Variants in TTC38 observed in about 807,000 individuals in gnomAD.
The protein encoded by TTC38 is tetratricopeptide repeat domain 38.
Under a neutral mutation model 64.2 loss-of-function variants are expected in TTC38, and 64 were observed. That is an observed-to-expected ratio of 1.00 (90% confidence interval 0.81 to 1.23). The LOEUF (loss-of-function observed/expected upper bound fraction) is 1.23, where lower values mean the gene tolerates loss of function less well. Ranked by LOEUF, TTC38 falls within the 50% of genes most tolerant of loss-of-function variation. The pLI is 0.00. For synonymous variants in TTC38, 254 were observed against 249.3 expected, an observed-to-expected ratio of 1.02 and a Z score of -0.18; for missense variants, 573 against 615.5, an observed-to-expected ratio of 0.93 and a Z score of 0.73.
chr22:46,268,123 G>T, intron 1 of TTC38, 51 bp downstream of exon 1: 8 of 1,517,356 alleles, frequency 5.3e-6, no homozygotes, highest in Non-Finnish European at 7.0e-6. Context: ...CGGGTCCTGG[G>T]GGTGGCCCGG....
Position 46,285,280 on chromosome 22 carries a change from G to A in TTC38, c.834+1G>A, listed in dbSNP as rs779880543. On this transcript the variant is annotated splice_donor_variant, in intron 9 of 13. Coordinates refer to ENST00000381031, the MANE Select transcript of TTC38 (RefSeq NM_017931.4). LOFTEE classifies it high-confidence loss of function. Reference sequence around the variant, plus strand: ...CGCGCTGACCATCTACGATACCCACGTAAGTTGCATTCACACCGTGTTTGG... The same window carrying A: ...CGCGCTGACCATCTACGATACCCACATAAGTTGCATTCACACCGTGTTTGG... 5.0e-6 allele frequency: 8 copies of A among 1,614,124 alleles called. No individual in the cohort carries two copies. The highest frequency in any genetic ancestry group is 4.5e-5 in the East Asian group (2 of 44,894).
rs752640013 is a variant in TTC38 at position 46,292,907 on chromosome 22, T to C, written c.*23T>C. On this transcript the variant is annotated 3_prime_UTR_variant, in exon 14 of 14. Transcript: ENST00000381031. The surrounding 1 kb of genome is among the most constrained non-coding windows in gnomAD (Gnocchi z 6.5). ...TGAGCCAGCCTGGCCGCCTCCACCC[T>C]GCAGAACCTCAGTGGTGGCGTCACT... 6.3e-6 allele frequency: 10 copies of C among 1,585,368 alleles called. No individual in the cohort carries two copies. The highest frequency in any genetic ancestry group is 8.7e-6 in the Non-Finnish European group (10 of 1,154,918).
At position 46,281,710 on chromosome 22, in the gene TTC38, T is replaced by C. The variant is rs130642; in HGVS notation, c.727T>C (p.Phe243Leu). The C allele has an allele frequency of 1, 1,613,870 of 1,613,976 alleles. 806,882 individuals carry two copies. Among genetic ancestry groups the C allele is most frequent in the East Asian group, 1 (44,884 of 44,884 alleles). Residue 243 changes from phenylalanine (F) to leucine (L), a missense_variant, in exon 7 of 14, where the codon TTC (phenylalanine) becomes CTC (leucine). Physicochemically the swap from Phe to Leu is conservative, Grantham distance 22 (BLOSUM62 0). This residue lies in a region of TTC38 where 371 missense variants were observed against 381.8 expected (regional missense o/e 0.97). Transcript: ENST00000381031. This position sits in a 1 kb window ranked among gnomAD's most constrained non-coding sequence, Gnocchi z 5.2. ...GGAATTCATGCAGCACTCAGAGACC[T>C]TCTGGAAGGTATGATGCTTGTCAAT... is the stretch of plus-strand genomic sequence containing the variant. The part of the protein sequence containing the change: ...GLEFMQHSET[F>L]WKDSDMLACH...
chr22:46,272,843 T>C lies in TTC38; in HGVS notation c.193+427T>C, dbSNP rs1416179775. On this transcript the variant is annotated intron_variant, in intron 3 of 13. Coordinates refer to ENST00000381031, the MANE Select transcript of TTC38 (RefSeq NM_017931.4). The surrounding 1 kb of genome is among the most constrained non-coding windows in gnomAD (Gnocchi z 6.4). ...GCTGCAGCCTCCGTCAGGGGACCAGTGAGGCCTCATCCAGAGTGGCCAGGG... is the reference window on the plus strand; with the variant it reads ...GCTGCAGCCTCCGTCAGGGGACCAGCGAGGCCTCATCCAGAGTGGCCAGGG... 6.6e-6 allele frequency among the ~76,000 whole-genome samples: 1 copy of C among 151,908 alleles called. No individual in the cohort carries two copies. Among genetic ancestry groups the C allele is most frequent in the South Asian group, 2.1e-4 (1 of 4,808 alleles).
rs775823021 is a variant in TTC38, at chr22:46,288,393, A to G, written c.917-30A>G. ...GGGACATGCCCCAGAGCCTCACTCCAGGCCCTGGGTCTCCTCCCCATGTCC... is the reference window on the plus strand; with the variant it reads ...GGGACATGCCCCAGAGCCTCACTCCGGGCCCTGGGTCTCCTCCCCATGTCC... On this transcript the variant is annotated intron_variant, in intron 10 of 13. Coordinates refer to ENST00000381031, the MANE Select transcript of TTC38 (RefSeq NM_017931.4). 3.7e-6 allele frequency: 6 copies of G among 1,603,778 alleles called. No homozygotes were observed. In the South Asian group the frequency reaches 5.6e-5, roughly 15 times the overall value.
intron 2 of TTC38, 29 bp downstream of exon 2, chr22:46,268,620 C>A: frequency 6.2e-7 from 1 of 1,609,224 alleles, no homozygotes; most frequent in East Asian, 2.2e-5. Flanking sequence ...GCCGCGGCCC[C>A]TTCTGTGGAG....
chr22:46,286,805 G>A (rs2077574942), intron 9 of TTC38, among the ~76,000 whole-genome samples: 1 of 152,232 alleles, frequency 6.6e-6, no homozygotes, highest in Non-Finnish European at 1.5e-5. Flanking sequence ...GGGGTGGGAG[G>A]TGGCAGATGC....
chr22:46,277,036 TATATATACATACAC>T (rs1378514894), intron 5 of TTC38, among the ~76,000 whole-genome samples: 7 of 78,280 alleles, frequency 8.9e-5, no homozygotes, highest in African/African-American at 4.3e-4. Flanking sequence ...AAACAATACA[TATATATACATACAC>T]ACACACACAC....
rs189245832 is a variant in TTC38 at position 46,287,441 on chromosome 22, A to G, written c.916+287A>G. Among the ~76,000 whole-genome samples, 674 of 152,334 alleles carry G rather than the reference A, an allele frequency of 4.4e-3. 5 individuals carry two copies. The highest frequency in any genetic ancestry group is 7.5e-3 in the Non-Finnish European group (510 of 68,040). The stretch of plus-strand genomic sequence containing the variant: ...GGGCGGCACCTGCTGTGCTGTTCCC[A>G]TGGCTGGCCTGCCTGCCAAACCTTC... On this transcript the variant is annotated intron_variant, in intron 10 of 13. Coordinates refer to ENST00000381031, the MANE Select transcript of TTC38 (RefSeq NM_017931.4).
In TTC38 at chr22:46,292,660, G is replaced by A; in HGVS notation, c.1317-131G>A. On this transcript the variant is annotated intron_variant, in intron 13 of 13. Transcript: ENST00000381031. This position sits in a 1 kb window ranked among gnomAD's most constrained non-coding sequence, Gnocchi z 6.5. ...CTGAGGCCAGGCCTCCTGCCCCTGG[G>A]CCTTGGCCCTTGCTGTTCCCTCAGT... 1.3e-6 allele frequency: 1 copy of A among 797,808 alleles called. No individual in the cohort carries two copies. Among genetic ancestry groups the A allele is most frequent in the Non-Finnish European group, 2.1e-6 (1 of 474,706 alleles). The allele number at this position is 797,808 out of a possible 1,614,324, so 49.4% of individuals were successfully genotyped here.
intron 2 of TTC38, among the ~76,000 whole-genome samples, chr22:46,269,580 C>A (rs1358570268): frequency 6.6e-6 from 1 of 152,190 alleles, no homozygotes; most frequent in Non-Finnish European, 1.5e-5. Flanking sequence ...CTGACTTCAT[C>A]CACATAACAG....
chr22:46,288,351 G>A (rs1258368296), intron 10 of TTC38, 72 bp from the exon 11 acceptor site: 5 of 1,493,064 alleles, frequency 3.3e-6, no homozygotes, highest in African/African-American at 1.4e-5. Context: ...GAAGCGCCGT[G>A]AGGGAGGCCC....
At chr22:46,280,924 G>C (rs1178160172) in intron 6 of TTC38, among the ~76,000 whole-genome samples, 1 of 152,246 alleles carries the variant, frequency 6.6e-6, no homozygotes. Context: ...TAGATGCTTA[G>C]CAAACATGAG....
At chr22:46,290,893 G>A (rs1230072447) in intron 13 of TTC38, among the ~76,000 whole-genome samples, 1 of 152,166 alleles carries the variant, frequency 6.6e-6, no homozygotes, top group Non-Finnish European at 1.5e-5. Flanking sequence ...CCATGTCCCT[G>A]CCACCCTCAG....
At position 46,281,794 on chromosome 22, in the gene TTC38, CAA is replaced by C; in HGVS notation, c.735+77_735+78del. 6.3e-7 allele frequency: 1 copy of C among 1,589,690 alleles called. No homozygotes were observed. Among genetic ancestry groups the C allele is most frequent in the South Asian group, 1.1e-5 (1 of 90,144 alleles). The stretch of plus-strand genomic sequence containing the variant: ...TTGAGTCAGGCCAAGGCTTTATGGA[CAA>C]GAGTTACAGGGCATGGCTTAATTCT... On this transcript the variant is annotated intron_variant, in intron 7 of 13. Coordinates refer to ENST00000381031, the MANE Select transcript of TTC38 (RefSeq NM_017931.4). The surrounding 1 kb of genome is among the most constrained non-coding windows in gnomAD (Gnocchi z 5.2).
intron 5 of TTC38, among the ~76,000 whole-genome samples, chr22:46,277,040 TATACATAC>T (rs1293320686): frequency 4.8e-4 from 36 of 75,568 alleles, no homozygotes; most frequent in Middle Eastern, 6.8e-3. Context: ...AATACATATA[TATACATAC>T]ACACACACAC....
chr22:46,288,589 G>C lies in TTC38; in HGVS notation c.1082+1G>C, dbSNP rs757849934. 1.4e-5 allele frequency: 23 copies of C among 1,613,052 alleles called. 1 individual carries two copies. The South Asian group carries it at 2.3e-4, about 16-fold the overall frequency. Reference sequence around the variant, plus strand: ...TGACCACCCTGCGGGACGCCAGCGAGTATGCAGAGGGGCCTTCTCGGGGTG... The same window carrying C: ...TGACCACCCTGCGGGACGCCAGCGACTATGCAGAGGGGCCTTCTCGGGGTG... On this transcript the variant is annotated splice_donor_variant, in intron 11 of 13. Transcript: ENST00000381031. LOFTEE classifies it high-confidence loss of function.
At chr22:46,290,789 C>T (rs552682965) in intron 13 of TTC38, among the ~76,000 whole-genome samples, 7 of 152,238 alleles carry the variant, frequency 4.6e-5, no homozygotes, top group East Asian at 1.9e-4. Flanking sequence ...GCTTCCATGG[C>T]CCAGCTTGCC....
In TTC38 at chr22:46,292,972, C is replaced by T. The variant is rs2077627286; in HGVS notation, c.*88C>T. 11 of 1,007,194 alleles carry T rather than the reference C, an allele frequency of 1.1e-5. No individual in the cohort carries two copies. Among genetic ancestry groups the T allele is most frequent in the Admixed American group, 3.7e-5 (2 of 53,776 alleles). The allele number at this position is 1,007,194 out of a possible 1,614,324, so 62.4% of individuals were successfully genotyped here. On this transcript the variant is annotated 3_prime_UTR_variant, in exon 14 of 14. Transcript: ENST00000381031. This position sits in a 1 kb window ranked among gnomAD's most constrained non-coding sequence, Gnocchi z 6.5. Reference sequence around the variant, plus strand: ...GCTCCACCGGGTTAGGGTCAGGAGACGGCCAGAGCCTGTTTGTTAGGGCTG... The same window carrying T: ...GCTCCACCGGGTTAGGGTCAGGAGATGGCCAGAGCCTGTTTGTTAGGGCTG...
Sources: allele counts gnomAD v4.1 joint callset (sites outside exome capture counted in the v4.1 genomes callset), GRCh38; gene constraint gnomAD v4.1.1; regional missense constraint gnomAD v4.1.1; non-coding constraint Gnocchi (gnomAD v3.1); transcripts MANE v1.5; gene names NCBI Gene and HGNC (gene_info 2026-07-23, HGNC 2026-07-21).